Variants in SEMA3A observed in about 807,000 individuals in gnomAD.
SEMA3A encodes semaphorin 3A, also known as semaphorin-3A.
A neutral mutation model predicts 97.9 loss-of-function variants in SEMA3A; 29 were observed. The observed-to-expected ratio is 0.30, with a 90% CI of 0.22 to 0.40. The LOEUF (loss-of-function observed/expected upper bound fraction) is 0.40. SEMA3A is among the 10% of genes least tolerant of loss of function. The pLI, the probability that SEMA3A is intolerant of heterozygous loss-of-function variation, is 1.00. For synonymous variants in SEMA3A, 321 were observed against 323.7 expected (o/e 0.99, Z 0.09); for missense variants, 763 against 951.3 (o/e 0.80, Z 2.60).
intron 14 of SEMA3A, among the ~76,000 whole-genome samples, chr7:83,978,278 A>AAAGT (rs1007124176): frequency 7.2e-4 from 110 of 152,354 alleles, no homozygotes; most frequent in African/African-American, 2.5e-3. Flanking sequence ...AGAGAAAAGC[A>AAAGT]AAGTTTGCTT....
chr7:83,993,645 C>T (rs905177935), intron 12 of SEMA3A, among the ~76,000 whole-genome samples: 1 of 131,254 alleles, frequency 7.6e-6, no homozygotes, highest in African/African-American at 3.1e-5. Context: ...ATATTGGCCC[C>T]CACTCTCTTC....
At chr7:84,422,614 C>T (rs542471093) in intron 1 of SEMA3A, among the ~76,000 whole-genome samples, 2 of 151,922 alleles carry the variant, frequency 1.3e-5, no homozygotes, top group Non-Finnish European at 1.5e-5. Context: ...GTTAGGGTTT[C>T]GGTTTTAGAT....
In SEMA3A at chr7:84,297,551, C is replaced by T. The variant is rs17158812; in HGVS notation, c.-83+9656G>A. Among the ~76,000 whole-genome samples the T allele has an allele frequency of 8.6e-3, 1,305 of 152,164 alleles. 11 individuals carry two copies. Among genetic ancestry groups the T allele is most frequent in the East Asian group, 0.041 (213 of 5,176 alleles). On this transcript the variant is annotated intron_variant, in intron 3 of 3. Transcript: ENST00000424555. ...ATAGTATAGATGAAAATAAATTGTTCCAGAATACCAATCAAAATAACTAAT... is the reference window on the plus strand; with the variant it reads ...ATAGTATAGATGAAAATAAATTGTTTCAGAATACCAATCAAAATAACTAAT...
At chr7:84,110,689 C>A in intron 3 of SEMA3A, 100 bp from the exon 4 acceptor site, 4 of 1,275,572 alleles carry the variant, frequency 3.1e-6, no homozygotes, top group African/African-American at 1.6e-5. Context: ...CTTTTGTTTT[C>A]TTTCTTTTTT....
At position 84,135,081 on chromosome 7, in the gene SEMA3A, A is replaced by G. The variant is rs1796083395; in HGVS notation, c.113-130T>C. 7 of 620,726 alleles carry G rather than the reference A, an allele frequency of 1.1e-5. No homozygotes were observed. The East Asian group carries it at 2.2e-4, about 20-fold the overall frequency. 38.5% of individuals were successfully genotyped at this position (620,726 alleles called of 1,614,324 possible). A position where few individuals can be genotyped will look rare whatever the true frequency, so the allele number is the denominator to read the frequency against. On this transcript the variant is annotated intron_variant, in intron 1 of 16. Transcript: ENST00000265362. The stretch of plus-strand genomic sequence containing the variant: ...ATCAGTGCTTATTCTTCAGGGTACT[A>G]AGAAATATATTGGAACCAAAATGTG...
chr7:84,457,807 T>C (rs1033590126), intron 1 of SEMA3A, among the ~76,000 whole-genome samples: 1 of 152,000 alleles, frequency 6.6e-6, no homozygotes, highest in Non-Finnish European at 1.5e-5. Flanking sequence ...AACCAATCTT[T>C]AGAGATAGAT....
chr7:84,028,354 C>A (rs996854888), intron 6 of SEMA3A, among the ~76,000 whole-genome samples: 5 of 152,034 alleles, frequency 3.3e-5, no homozygotes, highest in African/African-American at 1.2e-4. Flanking sequence ...TAAGAAAATA[C>A]AATATGTAAA....
intron 4 of SEMA3A, among the ~76,000 whole-genome samples, chr7:84,066,876 C>A (rs1410375613): frequency 6.6e-6 from 1 of 152,118 alleles, no homozygotes; most frequent in Non-Finnish European, 1.5e-5. Flanking sequence ...AATGCCATCC[C>A]CGTCAAGCTA....
intron 1 of SEMA3A, among the ~76,000 whole-genome samples, chr7:84,399,522 T>G (rs1367578902): frequency 2.0e-5 from 3 of 151,506 alleles, no homozygotes; most frequent in African/African-American, 7.3e-5. Flanking sequence ...ACTCCTTCAA[T>G]TTGGATGAAA....
intron 3 of SEMA3A, among the ~76,000 whole-genome samples, chr7:84,231,577 C>T (rs1799116395): frequency 6.6e-6 from 1 of 151,988 alleles, no homozygotes; most frequent in South Asian, 2.1e-4. Context: ...AGACCTATTA[C>T]ACTACTTAAA....
chr7:84,386,929 G>A (rs1257768042), intron 1 of SEMA3A, among the ~76,000 whole-genome samples: 10 of 152,092 alleles, frequency 6.6e-5, no homozygotes, highest in Admixed American at 5.9e-4. Flanking sequence ...GAACCCAGGA[G>A]GCAGAGGTTG....
intron 2 of SEMA3A, among the ~76,000 whole-genome samples, chr7:84,309,317 G>A (rs1004925470): frequency 1.3e-5 from 2 of 152,148 alleles, no homozygotes; most frequent in Non-Finnish European, 2.9e-5. Context: ...GAATGACTTG[G>A]AAGTTCTGAG....
At chr7:84,034,039 C>G (rs994375262) in intron 6 of SEMA3A, among the ~76,000 whole-genome samples, 2 of 151,566 alleles carry the variant, frequency 1.3e-5, no homozygotes, top group African/African-American at 2.4e-5. Flanking sequence ...GCTGGAGTTC[C>G]CTGGTGTGAT....
intron 6 of SEMA3A, among the ~76,000 whole-genome samples, chr7:84,016,895 C>T (rs1420046114): frequency 6.6e-6 from 1 of 152,270 alleles, no homozygotes; most frequent in East Asian, 1.9e-4. Flanking sequence ...AACAATCATA[C>T]ATTCTTCTGC....
chr7:84,366,202 G>A (rs1802844176), intron 2 of SEMA3A, among the ~76,000 whole-genome samples: 1 of 151,018 alleles, frequency 6.6e-6, no homozygotes, highest in Non-Finnish European at 1.5e-5. Context: ...TTAATTTTAT[G>A]TTAGCCAACA....
At chr7:84,372,533 G>GT (rs1458576487) in intron 1 of SEMA3A, among the ~76,000 whole-genome samples, 1 of 152,080 alleles carries the variant, frequency 6.6e-6, no homozygotes, top group Non-Finnish European at 1.5e-5. Flanking sequence ...GGATACAATG[G>GT]TGACTAGTTT....
At chr7:84,393,056 G>A (rs188212174) in intron 1 of SEMA3A, among the ~76,000 whole-genome samples, 18 of 151,894 alleles carry the variant, frequency 1.2e-4, no homozygotes, top group East Asian at 1.9e-4. Flanking sequence ...GGATATAATC[G>A]CATTTGTCTA....
At position 84,147,691 on chromosome 7, in the gene SEMA3A, G is replaced by T. The variant is rs572649920; in HGVS notation, c.113-12740C>A. Reference sequence around the variant, plus strand: ...GAGTAAATGAATTACTGAATAGTTGGATAAAGTAGATATGTTTATGAATGT... The same window carrying T: ...GAGTAAATGAATTACTGAATAGTTGTATAAAGTAGATATGTTTATGAATGT... On this transcript the variant is annotated intron_variant, in intron 1 of 16. Coordinates refer to ENST00000265362, the MANE Select transcript of SEMA3A (RefSeq NM_006080.3). Among the ~76,000 whole-genome samples, 17 of 152,286 alleles carry T rather than the reference G, an allele frequency of 1.1e-4. No homozygotes were observed. In the South Asian group the frequency reaches 1.9e-3, roughly 17 times the overall value.
At chr7:84,405,763 A>G (rs1329274053) in intron 1 of SEMA3A, among the ~76,000 whole-genome samples, 1 of 152,212 alleles carries the variant, frequency 6.6e-6, no homozygotes, top group Non-Finnish European at 1.5e-5. Flanking sequence ...ACTCAACTAC[A>G]TGGAAACTGA....
Sources: allele counts gnomAD v4.1 joint callset (sites outside exome capture counted in the v4.1 genomes callset), GRCh38; gene constraint gnomAD v4.1.1; transcripts MANE v1.5; gene names NCBI Gene and HGNC (gene_info 2026-07-23, HGNC 2026-07-21).